The following PCDH9 variants were observed in gnomAD, a reference collection of about 807,000 sequenced individuals.
The protein encoded by PCDH9 is protocadherin-9.
PCDH9 carries 24 observed loss-of-function variants against 70.6 expected under a neutral mutation model. The observed-to-expected ratio is 0.34, with a 90% confidence interval of 0.25 to 0.48. The LOEUF (loss-of-function observed/expected upper bound fraction) is 0.48, where lower values mean the gene tolerates loss of function less well. Among genes scored for constraint, PCDH9 ranks in the 20% least tolerant of loss-of-function variants. The pLI is 0.99. For missense variants in PCDH9, 1,281 were observed against 1,503.6 expected, an observed-to-expected ratio of 0.85 and a Z score of 2.45; for synonymous variants, 562 against 558.5, an observed-to-expected ratio of 1.01 and a Z score of -0.09.
At chr13:66,858,245 A>T (rs2081426771) in intron 3 of PCDH9, among the ~76,000 whole-genome samples, 1 of 152,126 alleles carries the variant, frequency 6.6e-6, no homozygotes, top group African/African-American at 2.4e-5. Context: ...AAACCTGATA[A>T]AAACAATAGG....
chr13:67,090,832 C>T (rs190230353), intron 2 of PCDH9, among the ~76,000 whole-genome samples: 96 of 152,072 alleles, frequency 6.3e-4, no homozygotes, highest in Non-Finnish European at 1.1e-3. Context: ...GATATAGATG[C>T]TATTTTGTAG....
intron 3 of PCDH9, among the ~76,000 whole-genome samples, chr13:66,768,733 C>A (rs2079758144): frequency 6.6e-6 from 1 of 152,014 alleles, no homozygotes; most frequent in African/African-American, 2.4e-5. Flanking sequence ...ACAAAGCAAC[C>A]TTTTATCCTT....
chr13:66,727,870 G>A (rs763707406), intron 3 of PCDH9, among the ~76,000 whole-genome samples: 6 of 152,070 alleles, frequency 3.9e-5, no homozygotes, highest in Non-Finnish European at 7.4e-5. Context: ...TAAGGCATAC[G>A]TAAACTTAGA....
chr13:66,485,253 C>T (rs982347243), intron 4 of PCDH9, among the ~76,000 whole-genome samples: 2 of 152,166 alleles, frequency 1.3e-5, no homozygotes, highest in African/African-American at 4.8e-5. Context: ...GATGGAAAAC[C>T]TCATCAAGGA....
intron 3 of PCDH9, among the ~76,000 whole-genome samples, chr13:66,843,333 C>A (rs2081148152): frequency 7.3e-6 from 1 of 137,644 alleles, no homozygotes; most frequent in East Asian, 2.2e-4. Context: ...AAGAAGTATT[C>A]AGCTACACAC....
At chr13:67,195,197 G>A (rs184256165) in intron 2 of PCDH9, among the ~76,000 whole-genome samples, 8 of 151,510 alleles carry the variant, frequency 5.3e-5, no homozygotes, top group Admixed American at 1.3e-4. Context: ...CCAGGCTGGA[G>A]TTCAGTGGCG....
At chr13:67,027,348 G>C (rs2084805183) in intron 2 of PCDH9, among the ~76,000 whole-genome samples, 1 of 152,194 alleles carries the variant, frequency 6.6e-6, no homozygotes, top group South Asian at 2.1e-4. Flanking sequence ...GTGCCCATGG[G>C]AAAACTGGCT....
chr13:67,109,513 A>G (rs1208436462), intron 2 of PCDH9, among the ~76,000 whole-genome samples: 2 of 152,204 alleles, frequency 1.3e-5, no homozygotes, highest in African/African-American at 4.8e-5. Context: ...ATAAGCACAA[A>G]TAAACCTTCA....
intron 2 of PCDH9, among the ~76,000 whole-genome samples, chr13:67,109,541 G>T (rs141332077): frequency 6.6e-6 from 1 of 152,100 alleles, no homozygotes; most frequent in East Asian, 1.9e-4. Flanking sequence ...TTTTTAAAAA[G>T]GTTTCTCTAA....
intron 2 of PCDH9, chr13:67,210,548 G>C (rs1347727445): frequency 6.6e-6 from 1 of 151,944 alleles, no homozygotes; most frequent in African/African-American, 2.4e-5. Context: ...GATGTTGGGT[G>C]GCAAGAGAAA....
intron 3 of PCDH9, among the ~76,000 whole-genome samples, chr13:66,898,585 G>A (rs2139586598): frequency 6.6e-6 from 1 of 151,878 alleles, no homozygotes; most frequent in Non-Finnish European, 1.5e-5. Context: ...ATGAAGCACA[G>A]GAAAATACAG....
chr13:66,604,645 G>A (rs948187232), intron 4 of PCDH9, among the ~76,000 whole-genome samples: 6 of 151,910 alleles, frequency 3.9e-5, no homozygotes, highest in African/African-American at 1.5e-4. Context: ...AACTCAGTAC[G>A]TAATAACTTC....
intron 3 of PCDH9, among the ~76,000 whole-genome samples, chr13:66,867,018 T>TTC (rs1043001923): frequency 1.4e-5 from 2 of 144,408 alleles, no homozygotes; most frequent in African/African-American, 5.0e-5. Flanking sequence ...GTTTCTTTCT[T>TTC]TTTTTTTTTT....
chr13:66,649,822 G>A (rs1854868685), intron 3 of PCDH9, among the ~76,000 whole-genome samples: 1 of 151,902 alleles, frequency 6.6e-6, no homozygotes, highest in Non-Finnish European at 1.5e-5. Context: ...AAGCAGTGGG[G>A]CAAAGTTAAA....
chr13:66,836,528 T>C (rs548321770), intron 3 of PCDH9, among the ~76,000 whole-genome samples: 120 of 152,280 alleles, frequency 7.9e-4, no homozygotes, highest in Non-Finnish European at 1.4e-3. Flanking sequence ...ATCCTACACT[T>C]AACAGGAGCA....
chr13:66,481,161 G>T (rs980960106), intron 4 of PCDH9, among the ~76,000 whole-genome samples: 1 of 152,034 alleles, frequency 6.6e-6, no homozygotes, highest in African/African-American at 2.4e-5. Flanking sequence ...TCAGGGGATG[G>T]GGGATTAGGG....
At chr13:66,433,668 G>A (rs1957814919) in intron 4 of PCDH9, among the ~76,000 whole-genome samples, 1 of 151,356 alleles carries the variant, frequency 6.6e-6, no homozygotes, top group Non-Finnish European at 1.5e-5. Flanking sequence ...ATTACCTAAA[G>A]TTAAGTATCC....
At chr13:66,361,287 T>C (rs1468042299) in intron 4 of PCDH9, among the ~76,000 whole-genome samples, 1 of 152,194 alleles carries the variant, frequency 6.6e-6, no homozygotes, top group East Asian at 1.9e-4. Context: ...TATCCAACTA[T>C]AATTCTAATT....
chr13:66,943,869 T>C (rs183120580), intron 2 of PCDH9, among the ~76,000 whole-genome samples: 112 of 152,174 alleles, frequency 7.4e-4, no homozygotes, highest in Non-Finnish European at 1.4e-3. Flanking sequence ...TGAAACAAGA[T>C]AAAAATGTGA....
Sources: gnomAD v4.1 joint callset for allele counts (sites outside exome capture counted in the v4.1 genomes callset) on GRCh38, gnomAD v4.1.1 for gene constraint, MANE v1.5 for transcripts, NCBI Gene and HGNC (gene_info 2026-07-23, HGNC 2026-07-21) for gene names.